DARS1: variants seen among roughly 807,000 people sequenced by gnomAD.
DARS1 encodes the protein aspartate--tRNA ligase, cytoplasmic.
Under a neutral mutation model 68.8 loss-of-function variants are expected in DARS1, and 51 were observed. The ratio of observed to expected loss-of-function variants is 0.74; its 90% CI spans 0.59 to 0.94. The LOEUF is 0.94. DARS1 is among the 40% of genes least tolerant of loss of function. The pLI is 0.00. For missense variants in DARS1, 607 were observed against 597.3 expected (o/e 1.02, Z -0.17); for synonymous variants, 203 against 190.4 (o/e 1.07, Z -0.55).
intron 4 of DARS1, among the ~76,000 whole-genome samples, chr2:135,955,678 T>A (rs1449005553): frequency 2.0e-5 from 2 of 100,774 alleles, no homozygotes; most frequent in African/African-American, 9.3e-5. Context: ...AAAATCTTTT[T>A]TTTTTTTTTT....
chr2:135,951,265 C>T (rs1267748893), intron 4 of DARS1, among the ~76,000 whole-genome samples: 1 of 152,214 alleles, frequency 6.6e-6, no homozygotes, highest in African/African-American at 2.4e-5. Flanking sequence ...TTGGTGTCTA[C>T]TCTATATTTG....
intron 10 of DARS1, among the ~76,000 whole-genome samples, chr2:135,917,352 T>C (rs996058022): frequency 6.6e-6 from 1 of 152,216 alleles, no homozygotes; most frequent in African/African-American, 2.4e-5. Flanking sequence ...CATCCTTTTG[T>C]ATGTGTTTGA....
Position 135,924,431 on chromosome 2 carries a change from A to G in DARS1, c.632T>C (p.Ile211Thr). The change falls in exon 8 of 16, where the codon ATT (isoleucine) becomes ACT (threonine). Residue 211 changes from isoleucine to threonine, a missense_variant. Physicochemically the swap from Ile to Thr is moderately conservative, Grantham distance 89. Coordinates refer to ENST00000264161, the MANE Select transcript of DARS1 (RefSeq NM_001349.4). The stretch of plus-strand genomic sequence containing the variant: ...TTGGATTTCCACAAAACCTTTGTTA[A>G]TTAAAGTTTCTCGGAAGAGATGGCA... ...GICHLFRETL[I>T]NKGFVEIQTP... The G allele has an allele frequency of 6.2e-7, 1 of 1,609,092 alleles. No homozygotes were observed. The highest frequency in any genetic ancestry group is 8.5e-7 in the Non-Finnish European group (1 of 1,178,716).
Position 135,933,928 on chromosome 2 carries a change from AG to A in DARS1, c.485del (p.Pro162LeufsTer19). On this transcript the variant is annotated frameshift_variant, in exon 6 of 16. Coordinates refer to ENST00000264161, the MANE Select transcript of DARS1 (RefSeq NM_001349.4). LOFTEE classifies it high-confidence loss of function. Reference sequence around the variant, plus strand: ...TTTTTACCTCTTCTCCTTCTGCCTCAGGCCGAACAGCATCATCCAGCTGCAG... The same window carrying A: ...TTTTTACCTCTTCTCCTTCTGCCTCAGCCGAACAGCATCATCCAGCTGCAG... ...LPLQLDDAVR[P>X]EAEGEEEGRA... The A allele has an allele frequency of 2.5e-6, 4 of 1,613,494 alleles. No individual in the cohort carries two copies. Among genetic ancestry groups the A allele is most frequent in the Non-Finnish European group, 3.4e-6 (4 of 1,179,540 alleles).
chr2:135,958,168 C>A (rs1682019575), intron 4 of DARS1, among the ~76,000 whole-genome samples: 1 of 152,124 alleles, frequency 6.6e-6, no homozygotes, highest in South Asian at 2.1e-4. Context: ...ATCAGTCAAT[C>A]ATTTTATAAA....
chr2:135,979,025 A>C (rs1682561831), intron 3 of DARS1: 1 of 326,262 alleles, frequency 3.1e-6, no homozygotes, highest in Non-Finnish European at 5.5e-6. Context: ...TAAACTTTAG[A>C]GCGATGCTAG....
intron 1 of DARS1, 151 bp from the exon 2 acceptor site, chr2:135,983,605 T>C: frequency 1.8e-6 from 1 of 543,636 alleles, no homozygotes; most frequent in Non-Finnish European, 3.2e-6. Context: ...AATGTGGAAA[T>C]CTCTCATTCA....
In DARS1 at chr2:135,979,223, A is replaced by G. The variant is rs1451535302; in HGVS notation, c.217+51T>C. ...TGGTCTGTGAGGAATATGTAAGACAAAAAATTCGGAGTCCTTACCGAAAGA... is the reference window on the plus strand; with the variant it reads ...TGGTCTGTGAGGAATATGTAAGACAGAAAATTCGGAGTCCTTACCGAAAGA... On this transcript the variant is annotated intron_variant, in intron 3 of 15. Coordinates refer to ENST00000264161, the MANE Select transcript of DARS1 (RefSeq NM_001349.4). 8 of 853,240 alleles carry G rather than the reference A, an allele frequency of 9.4e-6. No individual in the cohort carries two copies. The East Asian group carries it at 1.7e-4, about 18-fold the overall frequency. The allele number at this position is 853,240 out of a possible 1,614,324, so 52.9% of individuals were successfully genotyped here.
Position 135,943,459 on chromosome 2 carries a change from C to T in DARS1, c.342G>A (p.Val114=). 6.2e-7 allele frequency: 1 copy of T among 1,613,470 alleles called. No individual in the cohort carries two copies. Among genetic ancestry groups the T allele is most frequent in the Middle Eastern group, 1.7e-4 (1 of 6,054 alleles). The change falls in exon 5 of 16, where the codon GTG becomes GTA. Residue 114 remains valine, a synonymous_variant. Transcript: ENST00000264161. ...CTTTTCTCACAACACCTTCTACATC[C>T]ACAATGCTCTCTTTGTTGATGCTGT... The part of the protein sequence containing the change: ...FAANINKESI[V]DVEGVVRKVN...
intron 4 of DARS1, among the ~76,000 whole-genome samples, chr2:135,960,014 T>C (rs1293345916): frequency 1.3e-5 from 2 of 152,164 alleles, no homozygotes; most frequent in Non-Finnish European, 2.9e-5. Flanking sequence ...TAGAAGGTTC[T>C]CTGTGCAGAT....
chr2:135,945,278 C>A (rs1313017041), intron 4 of DARS1, among the ~76,000 whole-genome samples: 2 of 152,208 alleles, frequency 1.3e-5, no homozygotes, highest in Admixed American at 1.3e-4. Flanking sequence ...CAGGCATGTG[C>A]CACCATGCCT....
chr2:135,955,607 G>T (rs1487155773), intron 4 of DARS1, among the ~76,000 whole-genome samples: 1 of 96,288 alleles, frequency 1.0e-5, no homozygotes, highest in African/African-American at 3.9e-5. Flanking sequence ...AGCATCAAAA[G>T]AACAAAAATA....
At position 135,983,407 on chromosome 2, in the gene DARS1, T is replaced by C. The variant is rs765690103; in HGVS notation, c.114A>G (p.Gln38=). Residue 38 remains glutamine, a synonymous_variant, in exon 2 of 16, where the codon CAA becomes CAG. Coordinates refer to ENST00000264161, the MANE Select transcript of DARS1 (RefSeq NM_001349.4). Reference sequence around the variant, plus strand: ...CACATAGCTACTAACCTGGTTTTTCTTGTGATTGTATCATTGAAGATATTC... The same window carrying C: ...CACATAGCTACTAACCTGGTTTTTCCTGTGATTGTATCATTGAAGATATTC... ...RYGISSMIQS[Q]EKPDRVLVRV... The C allele has an allele frequency of 5.9e-6, 7 of 1,180,502 alleles. No homozygotes were observed. Among genetic ancestry groups the C allele is most frequent in the Middle Eastern group, 1.9e-4 (1 of 5,244 alleles). 73.1% of individuals were successfully genotyped at this position (1,180,502 alleles called of 1,614,324 possible).
At position 135,934,981 on chromosome 2, in the gene DARS1, G is replaced by C. The variant is rs576681569; in HGVS notation, c.424-991C>G. On this transcript the variant is annotated intron_variant, in intron 5 of 15. Transcript: ENST00000264161. ...AATTTTTGTATTTTTCGTAGAGACAGCATTTCGCTATGTTGGCCAGGCTGG... is the reference window on the plus strand; with the variant it reads ...AATTTTTGTATTTTTCGTAGAGACACCATTTCGCTATGTTGGCCAGGCTGG... Among the ~76,000 whole-genome samples the C allele has an allele frequency of 3.7e-4, 56 of 151,818 alleles. 1 individual carries two copies. The highest frequency in any genetic ancestry group is 3.4e-3 in the Middle Eastern group (1 of 294).
intron 10 of DARS1, 50 bp downstream of exon 10, chr2:135,920,403 G>A (rs1382826893): frequency 6.5e-7 from 1 of 1,533,842 alleles, no homozygotes; most frequent in Non-Finnish European, 8.7e-7. Context: ...TTTTTAAAGG[G>A]CCCAAACATT....
In DARS1 at chr2:135,950,182, T is replaced by C. The variant is rs1357678241; in HGVS notation, c.321-6702A>G. 3.3e-5 allele frequency among the ~76,000 whole-genome samples: 5 copies of C among 152,182 alleles called. No individual in the cohort carries two copies. In the East Asian group the frequency reaches 9.6e-4, roughly 29 times the overall value. On this transcript the variant is annotated intron_variant, in intron 4 of 15. Coordinates refer to ENST00000264161, the MANE Select transcript of DARS1 (RefSeq NM_001349.4). ...CCACTTTGTTGTGTATGAGTTCACA[T>C]GCTTTAATGTCCAGTCTCTTTGGGC... is the stretch of plus-strand genomic sequence containing the variant.
intron 3 of DARS1, among the ~76,000 whole-genome samples, chr2:135,968,186 C>T (rs1241111386): frequency 6.6e-6 from 1 of 152,174 alleles, no homozygotes; most frequent in East Asian, 1.9e-4. Context: ...ATCACTTGAA[C>T]CCGGCAGGTG....
Position 135,922,779 on chromosome 2 carries a change from C to T in DARS1, c.811+5G>A, listed in dbSNP as rs2104801837. On this transcript the variant is annotated splice_donor_5th_base_variant and intron_variant, in intron 9 of 15. Transcript: ENST00000264161. ...TTGGATAAAACATAACTGCCAAAAT[C>T]TTACCTGGTCCAATAGAGAAAACCT... 10 of 1,533,950 alleles carry T rather than the reference C, an allele frequency of 6.5e-6. No homozygotes were observed. Among genetic ancestry groups the T allele is most frequent in the Non-Finnish European group, 8.7e-6 (10 of 1,148,024 alleles).
Position 135,983,436 on chromosome 2 carries a change from ATC to A in DARS1, c.83_84del (p.Arg28IlefsTer21). ...MDAAEDYAKE[R>X]YGISSMIQSQ... ...GATTGTATCATTGAAGATATTCCATATCTCTCTTTAGCATAATCCTACAAAAA... is the reference window on the plus strand; with the variant it reads ...GATTGTATCATTGAAGATATTCCATATCTCTTTAGCATAATCCTACAAAAA... On this transcript the variant is annotated frameshift_variant, in exon 2 of 16. Transcript: ENST00000264161. LOFTEE classifies it high-confidence loss of function. 5.0e-6 allele frequency: 6 copies of A among 1,207,120 alleles called. No individual in the cohort carries two copies. Among genetic ancestry groups the A allele is most frequent in the Non-Finnish European group, 7.4e-6 (6 of 816,000 alleles). 74.8% of individuals were successfully genotyped at this position (1,207,120 alleles called of 1,614,324 possible).
Sources: gnomAD v4.1 joint callset for allele counts (sites outside exome capture counted in the v4.1 genomes callset) on GRCh38, gnomAD v4.1.1 for gene constraint, MANE v1.5 for transcripts, NCBI Gene and HGNC (gene_info 2026-07-23, HGNC 2026-07-21) for gene names.